Variants in RCOR1 observed in about 807,000 individuals in gnomAD.
RCOR1 encodes the protein REST corepressor 1, also known as REST corepressor.
A neutral mutation model predicts 64.0 loss-of-function variants in RCOR1; 12 were observed. That is an observed-to-expected ratio of 0.19 (90% confidence interval 0.12 to 0.30). The LOEUF (loss-of-function observed/expected upper bound fraction) is 0.30, where lower values mean the gene tolerates loss of function less well. Among genes scored for constraint, RCOR1 ranks in the 10% least tolerant of loss-of-function variants. The pLI is 1.00. For synonymous variants in RCOR1, 279 were observed against 227.2 expected (o/e 1.23, Z -2.05); for missense variants, 502 against 621.2 (o/e 0.81, Z 2.04).
intron 2 of RCOR1, among the ~76,000 whole-genome samples, chr14:102,680,637 C>T (rs369181114): frequency 2.0e-5 from 3 of 152,136 alleles, no homozygotes; most frequent in Admixed American, 6.5e-5. Flanking sequence ...GAAACCCCGT[C>T]TCTACTAAAA....
rs142971794 is a variant in RCOR1 at position 102,726,019 on chromosome 14, C to T, written c.1420-449C>T. 7.2e-3 allele frequency among the ~76,000 whole-genome samples: 1,103 copies of T among 152,250 alleles called. 15 individuals carry two copies. The highest frequency in any genetic ancestry group is 0.024 in the Middle Eastern group (7 of 294). ...AAGACGTCTGGCTGGAGAGGCCACA[C>T]GCTTGCCCTGCCCTTAAGAACATGG... On this transcript the variant is annotated intron_variant, in intron 11 of 11. Transcript: ENST00000262241.
intron 6 of RCOR1, 79 bp from the exon 7 acceptor site, chr14:102,710,856 T>C: frequency 2.1e-6 from 2 of 961,522 alleles, no homozygotes; most frequent in Non-Finnish European, 1.6e-6. Context: ...GTACAAAATT[T>C]TCAGTTAAAT....
At chr14:102,626,022 C>T (rs1893974106) in intron 2 of RCOR1, among the ~76,000 whole-genome samples, 1 of 152,120 alleles carries the variant, frequency 6.6e-6, no homozygotes, top group African/African-American at 2.4e-5. Flanking sequence ...AAATTCATAC[C>T]CTTTTATCTC....
At chr14:102,645,664 A>G (rs1278391570) in intron 2 of RCOR1, among the ~76,000 whole-genome samples, 1 of 152,176 alleles carries the variant, frequency 6.6e-6, no homozygotes, top group Non-Finnish European at 1.5e-5. Context: ...CCAGGTGCCA[A>G]AATCTGTTCC....
In RCOR1 at chr14:102,604,298, A is replaced by C. The variant is rs567441529; in HGVS notation, c.361+10973A>C. ...TTACAGCTTTGATCCTATAATGGTC[A>C]GTTAGTTTCCCACGAAAGGTTAAAA... is the stretch of plus-strand genomic sequence containing the variant. On this transcript the variant is annotated intron_variant, in intron 2 of 11. Coordinates refer to ENST00000262241, the MANE Select transcript of RCOR1 (RefSeq NM_015156.4). Among the ~76,000 whole-genome samples the C allele has an allele frequency of 2.0e-5, 3 of 152,336 alleles. No homozygotes were observed. The South Asian group carries it at 6.2e-4, about 32-fold the overall frequency.
At chr14:102,702,843 A>G (rs1312537760) in intron 4 of RCOR1, among the ~76,000 whole-genome samples, 1 of 152,258 alleles carries the variant, frequency 6.6e-6, no homozygotes, top group Non-Finnish European at 1.5e-5. Context: ...ATGGTAAAGT[A>G]TGCCCATTCA....
At chr14:102,672,377 T>A (rs1053999819) in intron 2 of RCOR1, among the ~76,000 whole-genome samples, 4 of 151,102 alleles carry the variant, frequency 2.6e-5, no homozygotes, top group Non-Finnish European at 5.9e-5. Flanking sequence ...ACCCAGCTAA[T>A]TTTTTTTTGT....
At chr14:102,603,449 G>A (rs1220093491) in intron 2 of RCOR1, among the ~76,000 whole-genome samples, 3 of 151,954 alleles carry the variant, frequency 2.0e-5, no homozygotes, top group Non-Finnish European at 4.4e-5. Context: ...CTTGGCCTCC[G>A]GAGTAGCTGG....
intron 2 of RCOR1, among the ~76,000 whole-genome samples, chr14:102,630,578 C>T (rs1483095192): frequency 6.6e-6 from 1 of 152,194 alleles, no homozygotes; most frequent in Non-Finnish European, 1.5e-5. Flanking sequence ...TTACACATTT[C>T]TCAGCTTTCA....
At position 102,715,500 on chromosome 14, in the gene RCOR1, G is replaced by A. The variant is rs145164068; in HGVS notation, c.1053+883G>A. On this transcript the variant is annotated intron_variant, in intron 8 of 11. Coordinates refer to ENST00000262241, the MANE Select transcript of RCOR1 (RefSeq NM_015156.4). ...GGGCTCAAATGATCCTCCCATCTCA[G>A]CCTCCCAAGTAGTTGGGAGTACAGG... Among the ~76,000 whole-genome samples, 1,089 of 151,982 alleles carry A rather than the reference G, an allele frequency of 7.2e-3. 14 individuals are homozygous for A. The highest frequency in any genetic ancestry group is 0.024 in the Middle Eastern group (7 of 294).
At chr14:102,616,071 T>G (rs1893752817) in intron 2 of RCOR1, among the ~76,000 whole-genome samples, 1 of 152,220 alleles carries the variant, frequency 6.6e-6, no homozygotes, top group African/African-American at 2.4e-5. Context: ...TTATTTTGTC[T>G]GTGGTTCTGA....
intron 8 of RCOR1, among the ~76,000 whole-genome samples, chr14:102,719,741 T>C (rs1404106312): frequency 1.3e-5 from 2 of 152,234 alleles, no homozygotes; most frequent in Non-Finnish European, 2.9e-5. Context: ...TCTGCTTCTT[T>C]TATAACGTTA....
At chr14:102,682,922 G>A (rs1370118876) in intron 3 of RCOR1, among the ~76,000 whole-genome samples, 1 of 152,040 alleles carries the variant, frequency 6.6e-6, no homozygotes, top group African/African-American at 2.4e-5. Context: ...TTCACTCCTG[G>A]GTCATAATCT....
At chr14:102,630,919 A>G (rs554181855) in intron 2 of RCOR1, among the ~76,000 whole-genome samples, 12 of 152,154 alleles carry the variant, frequency 7.9e-5, no homozygotes, top group Non-Finnish European at 1.8e-4. Flanking sequence ...GTGATCTGGA[A>G]CAGCTGGGCC....
At chr14:102,721,243 T>G in intron 9 of RCOR1, 77 bp from the exon 10 acceptor site, 1 of 1,346,866 alleles carries the variant, frequency 7.4e-7, no homozygotes, top group South Asian at 1.2e-5. Context: ...TAAGAGAAAA[T>G]GAAAGGTTCG....
At chr14:102,597,740 TCTC>T (rs1312993926) in intron 2 of RCOR1, among the ~76,000 whole-genome samples, 8 of 149,692 alleles carry the variant, frequency 5.3e-5, no homozygotes, top group Admixed American at 2.7e-4. Context: ...TTCAAGCAGT[TCTC>T]CTGCCTCAGC....
intron 3 of RCOR1, among the ~76,000 whole-genome samples, chr14:102,691,792 A>G (rs866236523): frequency 1.3e-5 from 2 of 152,236 alleles, no homozygotes; most frequent in South Asian, 2.1e-4. Context: ...TTATACAGAA[A>G]AACGTTTCAT....
intron 2 of RCOR1, among the ~76,000 whole-genome samples, chr14:102,627,295 A>G (rs1011528472): frequency 1.3e-5 from 2 of 152,176 alleles, no homozygotes; most frequent in Non-Finnish European, 2.9e-5. Context: ...CTTTATTTGC[A>G]TCATCAAATT....
At chr14:102,700,508 C>T (rs1195820788) in intron 3 of RCOR1, among the ~76,000 whole-genome samples, 1 of 152,230 alleles carries the variant, frequency 6.6e-6, no homozygotes, top group Non-Finnish European at 1.5e-5. Flanking sequence ...CAGGCATGAG[C>T]TGCAGCATCC....
Sources: allele counts gnomAD v4.1 joint callset (sites outside exome capture counted in the v4.1 genomes callset), GRCh38; gene constraint gnomAD v4.1.1; transcripts MANE v1.5; gene names NCBI Gene and HGNC (gene_info 2026-07-23, HGNC 2026-07-21).